The following TRIM24 variants were observed in gnomAD, a reference collection of about 807,000 sequenced individuals.
TRIM24 encodes tripartite motif containing 24.
A neutral mutation model predicts 123.9 loss-of-function variants in TRIM24; 29 were observed. That is an observed-to-expected ratio of 0.23 (90% CI 0.17 to 0.32). The LOEUF is 0.32. TRIM24 is among the 10% of genes least tolerant of loss of function. The pLI, the probability that TRIM24 is intolerant of heterozygous loss-of-function variation, is 1.00. For missense variants in TRIM24, 932 were observed against 1,295.3 expected, an observed-to-expected ratio of 0.72 and a Z score of 4.31; for synonymous variants, 456 against 461.1, an observed-to-expected ratio of 0.99 and a Z score of 0.14.
At chr7:138,581,928 C>T in intron 17 of TRIM24, among the ~76,000 whole-genome samples, 157 bp downstream of exon 17, 1 of 152,150 alleles carries the variant, frequency 6.6e-6, no homozygotes, top group Non-Finnish European at 1.5e-5. Flanking sequence ...TATGTAGGTA[C>T]ATTTTAGTAA....
intron 14 of TRIM24, among the ~76,000 whole-genome samples, chr7:138,578,529 G>GTT (rs35782007): frequency 6.7e-4 from 75 of 112,610 alleles, no homozygotes; most frequent in Middle Eastern, 4.5e-3. Flanking sequence ...GGTGGTGGTG[G>GTT]TTTTGTGTGT....
chr7:138,539,725 T>A (rs1456204741), intron 7 of TRIM24, among the ~76,000 whole-genome samples: 1 of 151,992 alleles, frequency 6.6e-6, no homozygotes, highest in Non-Finnish European at 1.5e-5. Context: ...AAGTTTTGAT[T>A]ATAAATACTG....
rs1260063817 is a variant in TRIM24 at position 138,587,939 on chromosome 7, A to G, written c.*2988A>G. 1 of 152,214 alleles carries G rather than the reference A, an allele frequency of 6.6e-6. No individual in the cohort carries two copies. The highest frequency in any genetic ancestry group is 6.5e-5 in the Admixed American group (1 of 15,270). 9.4% of individuals were successfully genotyped at this position (152,214 alleles called of 1,614,324 possible). A position where few individuals can be genotyped will look rare whatever the true frequency, so the allele number is the denominator to read the frequency against. ...TAATCATTTTGTCTTTTGAATTAAC[A>G]TGCCCTGCTTGTCTTTTCTGAATGG... On this transcript the variant is annotated 3_prime_UTR_variant, in exon 19 of 19. Coordinates refer to ENST00000343526, the MANE Select transcript of TRIM24 (RefSeq NM_015905.3).
rs763126350 is a variant in TRIM24, at chr7:138,579,315, C to T, written c.2368C>T (p.Pro790Ser). The T allele has an allele frequency of 5.0e-6, 8 of 1,614,024 alleles. No individual in the cohort carries two copies. In the African/African-American group the frequency reaches 9.3e-5, roughly 19 times the overall value. ...SDAPDSTGDQ[P>S]GLHQDNSSNG... The stretch of plus-strand genomic sequence containing the variant: ...TGCCCCTGATAGTACAGGAGATCAA[C>T]CTGGACTTCACCAGGACAATTCCTC... The change falls in exon 15 of 19, where the codon CCT becomes TCT. Residue 790 changes from proline to serine, a missense_variant. Around this residue, in one of 7 missense-constraint regions of TRIM24, gnomAD observed 527 missense variants for 691.3 expected, o/e 0.76. Transcript: ENST00000343526.
At chr7:138,581,662 A>AT (rs1797898255) in intron 16 of TRIM24, 35 bp from the exon 17 acceptor site, 1 of 1,528,060 alleles carries the variant, frequency 6.5e-7, no homozygotes, top group African/African-American at 1.4e-5. Context: ...TTGTTTTATA[A>AT]TATTTTATCT....
intron 14 of TRIM24, 58 bp downstream of exon 14, chr7:138,577,646 T>A: frequency 7.3e-7 from 1 of 1,378,542 alleles, no homozygotes; most frequent in Non-Finnish European, 9.6e-7. Flanking sequence ...TGAGAGAATC[T>A]TTTAAATAGC....
At chr7:138,561,305 C>G (rs931394002) in intron 9 of TRIM24, among the ~76,000 whole-genome samples, 2 of 152,090 alleles carry the variant, frequency 1.3e-5, no homozygotes, top group African/African-American at 2.4e-5. Flanking sequence ...ACATCTGGGT[C>G]CTTGAGGGGT....
intron 6 of TRIM24, among the ~76,000 whole-genome samples, chr7:138,531,232 A>G (rs932798504): frequency 2.6e-5 from 4 of 152,024 alleles, no homozygotes; most frequent in African/African-American, 9.7e-5. Context: ...ATACGTATAC[A>G]TGTTACACGT....
chr7:138,528,136 G>A (rs988461395), intron 5 of TRIM24, among the ~76,000 whole-genome samples: 40 of 152,214 alleles, frequency 2.6e-4, no homozygotes, highest in African/African-American at 9.2e-4. Flanking sequence ...GCCTTGTGCT[G>A]GCTTATCTCA....
At chr7:138,555,053 C>G in intron 9 of TRIM24, 87 bp downstream of exon 9, 2 of 1,357,348 alleles carry the variant, frequency 1.5e-6, no homozygotes, top group Non-Finnish European at 2.0e-6. Context: ...CATCCATTTT[C>G]CATACTCTAA....
chr7:138,490,672 T>G, intron 1 of TRIM24: 3 of 395,532 alleles, frequency 7.6e-6, no homozygotes, highest in South Asian at 6.1e-5. Context: ...CTACCTTCAC[T>G]GTGAAGCTCC....
At chr7:138,578,944 T>TGTG (rs1347188050) in intron 14 of TRIM24, among the ~76,000 whole-genome samples, 4 of 149,674 alleles carry the variant, frequency 2.7e-5, no homozygotes, top group South Asian at 4.1e-4. Flanking sequence ...ATATAGGTCA[T>TGTG]GTGGTTGACT....
intron 1 of TRIM24, among the ~76,000 whole-genome samples, chr7:138,478,053 T>G (rs920231214): frequency 2.6e-5 from 4 of 152,206 alleles, no homozygotes; most frequent in Non-Finnish European, 4.4e-5. Flanking sequence ...TACTATGCTC[T>G]GCACCTCAGT....
chr7:138,499,700 T>TA (rs1453773066), intron 1 of TRIM24, among the ~76,000 whole-genome samples: 1 of 152,156 alleles, frequency 6.6e-6, no homozygotes, highest in African/African-American at 2.4e-5. Flanking sequence ...GTTATACAGT[T>TA]ACACAAAGGT....
Position 138,551,271 on chromosome 7 carries a change from G to C in TRIM24, c.1261+91G>C. Reference sequence around the variant, plus strand: ...TGTTACTGAAAATATGTTCACTTAGGCTGGGCACGGTGGCTCACATCTGTA... The same window carrying C: ...TGTTACTGAAAATATGTTCACTTAGCCTGGGCACGGTGGCTCACATCTGTA... On this transcript the variant is annotated intron_variant, in intron 8 of 18. Transcript: ENST00000343526. 2.6e-6 allele frequency: 3 copies of C among 1,142,686 alleles called. No individual in the cohort carries two copies. In the Admixed American group the frequency reaches 5.2e-5, roughly 20 times the overall value. 70.8% of individuals were successfully genotyped at this position (1,142,686 alleles called of 1,614,324 possible).
At chr7:138,494,587 A>G (rs1366201450) in intron 1 of TRIM24, among the ~76,000 whole-genome samples, 1 of 152,134 alleles carries the variant, frequency 6.6e-6, no homozygotes, top group Non-Finnish European at 1.5e-5. Flanking sequence ...AAAGAAAAAA[A>G]GATGGAACAA....
intron 2 of TRIM24, among the ~76,000 whole-genome samples, chr7:138,504,756 G>T (rs1796114837): frequency 6.7e-6 from 1 of 150,128 alleles, no homozygotes; most frequent in South Asian, 2.1e-4. Context: ...CACCGCACCT[G>T]GCCTCTTTTT....
intron 1 of TRIM24, among the ~76,000 whole-genome samples, chr7:138,485,785 A>G (rs535046570): frequency 6.6e-6 from 1 of 152,188 alleles, no homozygotes; most frequent in Non-Finnish European, 1.5e-5. Context: ...TGTTGTCAGT[A>G]GTGCCACAAT....
chr7:138,464,868 G>A (rs1795100727), intron 1 of TRIM24, among the ~76,000 whole-genome samples: 1 of 152,056 alleles, frequency 6.6e-6, no homozygotes, highest in Non-Finnish European at 1.5e-5. Context: ...CTAATCTGGC[G>A]TAGTTGCAGA....
Sources: gnomAD v4.1 joint callset for allele counts (sites outside exome capture counted in the v4.1 genomes callset) on GRCh38, gnomAD v4.1.1 for gene constraint, gnomAD v4.1.1 regional missense constraint, MANE v1.5 for transcripts, NCBI Gene and HGNC (gene_info 2026-07-23, HGNC 2026-07-21) for gene names.